The following GALNT11 variants were observed in gnomAD, a reference collection of about 807,000 sequenced individuals.
GALNT11 encodes UDP-GalNAc:polypeptide N-acetylgalactosaminyltransferase 11.
Under a neutral mutation model 72.7 loss-of-function variants are expected in GALNT11, and 47 were observed. The ratio of observed to expected loss-of-function variants is 0.65; its 90% CI spans 0.51 to 0.82. The LOEUF (loss-of-function observed/expected upper bound fraction) is 0.82, where lower values mean the gene tolerates loss of function less well. GALNT11 is among the 40% of genes least tolerant of loss of function. The probability of loss-of-function intolerance (pLI) is 0.00; values close to 1 mark genes in which losing one functional copy is unlikely to be tolerated. For synonymous variants in GALNT11, 270 were observed against 286.6 expected, an observed-to-expected ratio of 0.94 and a Z score of 0.58; for missense variants, 677 against 778.4, an observed-to-expected ratio of 0.87 and a Z score of 1.55.
rs184629583 is a variant in GALNT11, at chr7:152,066,311, A to G, written c.-38-27879A>G. Among the ~76,000 whole-genome samples the G allele has an allele frequency of 1.6e-4, 24 of 152,210 alleles. No individual in the cohort carries two copies. In the East Asian group the frequency reaches 2.3e-3, roughly 15 times the overall value. The stretch of plus-strand genomic sequence containing the variant: ...AGAGCACAGTATTAGGGTGGGAGTG[A>G]CCCTATTTTCAAGGTACCGTCTGTT... On this transcript the variant is annotated intron_variant, in intron 1 of 11. Transcript: ENST00000430044.
chr7:152,072,576 A>G (rs1320200213), intron 1 of GALNT11, among the ~76,000 whole-genome samples: 4 of 152,226 alleles, frequency 2.6e-5, no homozygotes, highest in Admixed American at 6.5e-5. Context: ...TCCTTAGTCA[A>G]ATTATTCGTG....
At chr7:152,099,325 A>G (rs973820077) in intron 2 of GALNT11, among the ~76,000 whole-genome samples, 40 of 151,338 alleles carry the variant, frequency 2.6e-4, no homozygotes, top group African/African-American at 8.7e-4. Flanking sequence ...GAGTTCTACT[A>G]TTTTTTAAAA....
intron 1 of GALNT11, among the ~76,000 whole-genome samples, chr7:152,051,412 C>T (rs2083401087): frequency 6.6e-6 from 1 of 151,766 alleles, no homozygotes; most frequent in Non-Finnish European, 1.5e-5. Context: ...AGGCCCCCAC[C>T]CTCCAATTCT....
intron 1 of GALNT11, among the ~76,000 whole-genome samples, chr7:152,084,259 G>T (rs1419293721): frequency 6.6e-6 from 1 of 151,068 alleles, no homozygotes; most frequent in East Asian, 1.9e-4. Flanking sequence ...CTCTCTTCTA[G>T]CTAGGTGTAG....
At chr7:152,099,547 T>G (rs1262710353) in intron 2 of GALNT11, among the ~76,000 whole-genome samples, 3 of 135,670 alleles carry the variant, frequency 2.2e-5, no homozygotes, top group Admixed American at 1.5e-4. Context: ...TTTTTTTTTT[T>G]TTTTTTTTTT....
chr7:152,112,367 C>T (rs961260328), intron 7 of GALNT11, among the ~76,000 whole-genome samples: 2 of 151,924 alleles, frequency 1.3e-5, no homozygotes, highest in Non-Finnish European at 2.9e-5. Flanking sequence ...GGTGAAACCC[C>T]GTCTCTACTA....
At chr7:152,115,720 A>T (rs1461744264) in intron 8 of GALNT11, among the ~76,000 whole-genome samples, 1 of 152,218 alleles carries the variant, frequency 6.6e-6, no homozygotes, top group East Asian at 1.9e-4. Flanking sequence ...ATTTTGAAAA[A>T]CTTACATTTA....
At chr7:152,041,010 T>G (rs1586952097) in intron 1 of GALNT11, among the ~76,000 whole-genome samples, 1 of 152,190 alleles carries the variant, frequency 6.6e-6, no homozygotes, top group Non-Finnish European at 1.5e-5. Flanking sequence ...CCCAGGTGGG[T>G]GGCTGTGTTC....
At chr7:152,045,448 G>C (rs1586974229) in intron 1 of GALNT11, among the ~76,000 whole-genome samples, 1 of 152,126 alleles carries the variant, frequency 6.6e-6, no homozygotes, top group Non-Finnish European at 1.5e-5. Context: ...TTTTATTACA[G>C]CTTTGATCTT....
chr7:152,083,164 CAA>C (rs2085419364), intron 1 of GALNT11, among the ~76,000 whole-genome samples: 8 of 151,892 alleles, frequency 5.3e-5, no homozygotes, highest in Admixed American at 4.6e-4. Flanking sequence ...TTTTAGTATC[CAA>C]AGTTTTTTGT....
At chr7:152,093,941 C>A in intron 1 of GALNT11, 1 of 329,582 alleles carries the variant, frequency 3.0e-6, no homozygotes, top group Non-Finnish European at 5.5e-6. Flanking sequence ...TATCCATTAA[C>A]ATGGGCAAAT....
At chr7:152,032,298 C>G (rs1455428050) in intron 1 of GALNT11, among the ~76,000 whole-genome samples, 1 of 152,092 alleles carries the variant, frequency 6.6e-6, no homozygotes, top group Non-Finnish European at 1.5e-5. Flanking sequence ...TCTGTGGGAT[C>G]CTCAAAGGCA....
At chr7:152,030,144 A>G (rs1004726094) in intron 1 of GALNT11, among the ~76,000 whole-genome samples, 9 of 152,206 alleles carry the variant, frequency 5.9e-5, no homozygotes, top group Non-Finnish European at 1.3e-4. Context: ...AAAAGAAAAG[A>G]CAAGAGGTAG....
chr7:152,113,174 C>A, intron 7 of GALNT11, 72 bp from the exon 8 acceptor site: 2 of 1,467,210 alleles, frequency 1.4e-6, no homozygotes, highest in Non-Finnish European at 9.2e-7. Context: ...AGATTAATTT[C>A]ATTGAAAATT....
chr7:152,084,101 T>G (rs2085480092), intron 1 of GALNT11, among the ~76,000 whole-genome samples: 1 of 152,194 alleles, frequency 6.6e-6, no homozygotes, highest in Non-Finnish European at 1.5e-5. Context: ...CCTCTGACAC[T>G]CTTCTCTGTG....
At chr7:152,096,648 G>A (rs887774883) in intron 2 of GALNT11, among the ~76,000 whole-genome samples, 8 of 150,998 alleles carry the variant, frequency 5.3e-5, no homozygotes, top group Admixed American at 3.3e-4. Flanking sequence ...CTGGGAGGCG[G>A]AGGTTGCAGT....
At chr7:152,105,087 A>ATAAG (rs2087388406) in intron 4 of GALNT11, among the ~76,000 whole-genome samples, 158 bp from the exon 5 acceptor site, 1 of 152,188 alleles carries the variant, frequency 6.6e-6, no homozygotes, top group South Asian at 2.1e-4. Flanking sequence ...TTCCTACAGG[A>ATAAG]TAAGCTACAA....
At chr7:152,028,149 G>A (rs1383889057) in intron 1 of GALNT11, among the ~76,000 whole-genome samples, 1 of 152,226 alleles carries the variant, frequency 6.6e-6, no homozygotes, top group Non-Finnish European at 1.5e-5. Context: ...AGCTTCCACA[G>A]CATGGAAGGG....
intron 5 of GALNT11, among the ~76,000 whole-genome samples, chr7:152,106,933 A>G (rs2087625578): frequency 6.6e-6 from 1 of 152,160 alleles, no homozygotes; most frequent in East Asian, 1.9e-4. Flanking sequence ...ACCCCCACTG[A>G]TGTGCATGTG....
Sources: allele counts gnomAD v4.1 joint callset (sites outside exome capture counted in the v4.1 genomes callset), GRCh38; gene constraint gnomAD v4.1.1; transcripts MANE v1.5; gene names NCBI Gene and HGNC (gene_info 2026-07-23, HGNC 2026-07-21).